FUT8: variants seen among roughly 807,000 people sequenced by gnomAD.
FUT8 encodes the protein fucosyltransferase 8.
A neutral mutation model predicts 71.3 loss-of-function variants in FUT8; 29 were observed. The ratio of observed to expected loss-of-function variants is 0.41; its 90% CI spans 0.30 to 0.55. FUT8 has a LOEUF of 0.55. Among genes scored for constraint, FUT8 ranks in the 20% least tolerant of loss-of-function variants. FUT8 has a pLI of 0.34. For synonymous variants in FUT8, 254 were observed against 239.3 expected (o/e 1.06, Z -0.57); for missense variants, 544 against 702.1 (o/e 0.77, Z 2.55).
chr14:65,650,309 A>C (rs1172026151), intron 6 of FUT8, among the ~76,000 whole-genome samples: 1 of 145,774 alleles, frequency 6.9e-6, no homozygotes, highest in Non-Finnish European at 1.5e-5. Context: ...AAAAAAAAAA[A>C]AAAAAAAAAA....
At chr14:65,503,470 A>C (rs769437034) in intron 2 of FUT8, among the ~76,000 whole-genome samples, 1 of 152,240 alleles carries the variant, frequency 6.6e-6, no homozygotes, top group Non-Finnish European at 1.5e-5. Context: ...CTTGTCATTA[A>C]AACACAGCAT....
rs2066434475 is a variant in FUT8 at position 65,488,045 on chromosome 14, C to T, written c.-228+32327C>T. ...CTATGTTGCCCAGACTGGTCTGAAACTCCTGGCCTCAAGCAGTCCTCCCAC... is the reference window on the plus strand; with the variant it reads ...CTATGTTGCCCAGACTGGTCTGAAATTCCTGGCCTCAAGCAGTCCTCCCAC... On this transcript the variant is annotated intron_variant, in intron 2 of 10. Transcript: ENST00000673929. Among the ~76,000 whole-genome samples, 3 of 152,132 alleles carry T rather than the reference C, an allele frequency of 2.0e-5. No individual in the cohort carries two copies. The South Asian group carries it at 6.2e-4, about 32-fold the overall frequency.
chr14:65,655,013 A>G (rs901080208), intron 6 of FUT8, among the ~76,000 whole-genome samples: 1 of 151,788 alleles, frequency 6.6e-6, no homozygotes, highest in Non-Finnish European at 1.5e-5. Context: ...CGGCCTCCCA[A>G]AGTGCTGGGA....
intron 9 of FUT8, among the ~76,000 whole-genome samples, chr14:65,725,585 A>C (rs541447635): frequency 6.6e-6 from 1 of 152,300 alleles, no homozygotes; most frequent in African/African-American, 2.4e-5. Flanking sequence ...TGAACCCTTG[A>C]CTGGCCTGTG....
At chr14:65,384,858 T>C in the FUT8 span, among the ~76,000 whole-genome samples, 1 of 152,110 alleles carries the variant, frequency 6.6e-6, no homozygotes, top group South Asian at 2.1e-4. The surrounding 1 kb of genome is among the most constrained non-coding windows in gnomAD (Gnocchi z 4.2). Context: ...TTGCTGGACT[T>C]TTCCCTTCTC....
chr14:65,649,963 A>G (rs1891285576), intron 6 of FUT8, among the ~76,000 whole-genome samples: 1 of 152,204 alleles, frequency 6.6e-6, no homozygotes, highest in Non-Finnish European at 1.5e-5. Flanking sequence ...TAGTAAACAC[A>G]TCATACACTA....
intron 7 of FUT8, among the ~76,000 whole-genome samples, chr14:65,695,189 G>T (rs188854223): frequency 5.8e-4 from 88 of 152,310 alleles, no homozygotes; most frequent in African/African-American, 2.0e-3. Context: ...TGATGGTGCT[G>T]CTCAGTTCAA....
intron 2 of FUT8, among the ~76,000 whole-genome samples, chr14:65,471,994 C>A (rs148174209): frequency 6.6e-6 from 1 of 152,240 alleles, no homozygotes; most frequent in Non-Finnish European, 1.5e-5. Context: ...TAAAAAACTT[C>A]TCCAGAGGGA....
At chr14:65,493,598 TATTA>T (rs1299254723) in intron 2 of FUT8, among the ~76,000 whole-genome samples, 5 of 152,226 alleles carry the variant, frequency 3.3e-5, no homozygotes, top group African/African-American at 1.2e-4. Context: ...TAATATTAAA[TATTA>T]ATTAAATGAA....
In FUT8 at chr14:65,629,482, G is replaced by C; in HGVS notation, c.483-10G>C. 1.3e-6 allele frequency: 2 copies of C among 1,586,682 alleles called. No individual in the cohort carries two copies. Among genetic ancestry groups the C allele is most frequent in the Non-Finnish European group, 1.7e-6 (2 of 1,155,540 alleles). On this transcript the variant is annotated splice_polypyrimidine_tract_variant and intron_variant, in intron 5 of 10. Transcript: ENST00000673929. ...ACAAGTTCGATCTCCATTGTTGTTT[G>C]TTTTAACAGGTCTATAATGACGGAT...
intron 2 of FUT8, among the ~76,000 whole-genome samples, chr14:65,480,650 T>G (rs552174569): frequency 2.2e-4 from 34 of 152,006 alleles, no homozygotes; most frequent in African/African-American, 8.2e-4. Flanking sequence ...TTGATTCTTC[T>G]GGGTATGTAT....
the FUT8 span, among the ~76,000 whole-genome samples, chr14:65,387,609 G>A: frequency 2.0e-5 from 3 of 152,164 alleles, no homozygotes; most frequent in African/African-American, 4.8e-5. Context: ...TCAGGACTCC[G>A]CCTCTCTGAA....
the FUT8 span, among the ~76,000 whole-genome samples, chr14:65,360,469 A>G: frequency 6.6e-6 from 1 of 152,268 alleles, no homozygotes; most frequent in Admixed American, 6.5e-5. Context: ...AGCATTTTTA[A>G]TCTGTTAGGC....
At chr14:65,375,072 G>T in the FUT8 span, among the ~76,000 whole-genome samples, 1 of 152,082 alleles carries the variant, frequency 6.6e-6, no homozygotes, top group Non-Finnish European at 1.5e-5. Context: ...ACAGGGGTGG[G>T]GTGGTCATTT....
intron 3 of FUT8, among the ~76,000 whole-genome samples, chr14:65,584,368 C>T (rs141764795): frequency 3.1e-4 from 47 of 152,110 alleles, no homozygotes; most frequent in Non-Finnish European, 6.6e-4. Context: ...TTAGTAGAGA[C>T]GGGGTTTCGC....
chr14:65,675,894 G>C (rs1385545014), intron 7 of FUT8, among the ~76,000 whole-genome samples: 4 of 152,032 alleles, frequency 2.6e-5, no homozygotes, highest in African/African-American at 9.7e-5. Flanking sequence ...CTACTCAGGA[G>C]GCTGAGAGGG....
At chr14:65,396,330 A>G in the FUT8 span, among the ~76,000 whole-genome samples, 1 of 152,238 alleles carries the variant, frequency 6.6e-6, no homozygotes, top group Non-Finnish European at 1.5e-5. This position sits in a 1 kb window ranked among gnomAD's most constrained non-coding sequence, Gnocchi z 5.5. Context: ...TAACAAAGAC[A>G]TACCTGAGAC....
intron 10 of FUT8, among the ~76,000 whole-genome samples, chr14:65,735,208 T>G (rs1896163464): frequency 9.1e-6 from 1 of 110,250 alleles, no homozygotes; most frequent in Admixed American, 1.0e-4. Flanking sequence ...AAGAAAATTT[T>G]TTGCTTTACT....
At chr14:65,655,316 A>G (rs1296984258) in intron 6 of FUT8, among the ~76,000 whole-genome samples, 1 of 151,822 alleles carries the variant, frequency 6.6e-6, no homozygotes, top group African/African-American at 2.4e-5. Context: ...TACTAAAAAT[A>G]CAAAAACAAA....
Sources: allele counts gnomAD v4.1 joint callset (sites outside exome capture counted in the v4.1 genomes callset), GRCh38; gene constraint gnomAD v4.1.1; non-coding constraint Gnocchi (gnomAD v3.1); transcripts MANE v1.5; gene names NCBI Gene and HGNC (gene_info 2026-07-23, HGNC 2026-07-21).